The following MYO3B variants were observed in gnomAD, a reference collection of about 807,000 sequenced individuals.
The protein encoded by MYO3B is myosin-IIIb.
A neutral mutation model predicts 174.6 loss-of-function variants in MYO3B; 156 were observed. The observed-to-expected ratio is 0.89, with a 90% CI of 0.78 to 1.02. MYO3B has a LOEUF of 1.02. Among genes scored for constraint, MYO3B ranks in the 50% least tolerant of loss-of-function variants. MYO3B has a pLI of 0.00. For missense variants in MYO3B, 1,632 were observed against 1,639.4 expected (o/e 1.00, Z 0.08); for synonymous variants, 563 against 569.1 (o/e 0.99, Z 0.15).
chr2:170,181,820 G>A (rs572063352), intron 1 of MYO3B, among the ~76,000 whole-genome samples: 1 of 152,206 alleles, frequency 6.6e-6, no homozygotes, highest in African/African-American at 2.4e-5. Flanking sequence ...GGTAGATTTT[G>A]ACTAATAATT....
chr2:170,414,009 A>G (rs1221299173), intron 22 of MYO3B, among the ~76,000 whole-genome samples: 4 of 152,012 alleles, frequency 2.6e-5, no homozygotes, highest in African/African-American at 9.7e-5. Flanking sequence ...CACTACACTC[A>G]AGCCTGGGTG....
intron 32 of MYO3B, among the ~76,000 whole-genome samples, chr2:170,604,877 T>C (rs1228189785): frequency 1.3e-5 from 2 of 152,216 alleles, no homozygotes; most frequent in Non-Finnish European, 2.9e-5. Context: ...GAAAACAATC[T>C]GGTAGCTTCC....
At chr2:170,183,234 G>A (rs2092425102) in intron 1 of MYO3B, among the ~76,000 whole-genome samples, 2 of 151,886 alleles carry the variant, frequency 1.3e-5, no homozygotes, top group African/African-American at 4.8e-5. Context: ...TCCAGCCTGG[G>A]CCACAGAGCA....
intron 32 of MYO3B, among the ~76,000 whole-genome samples, chr2:170,580,718 A>ATATATATATATATATATATGTG (rs768974458): frequency 2.1e-5 from 3 of 142,776 alleles, no homozygotes; most frequent in African/African-American, 7.8e-5. Context: ...AACCTTATAT[A>ATATATATATATATATATATGTG]TGTGTGTGTG....
chr2:170,502,621 G>C (rs147293072), intron 28 of MYO3B, among the ~76,000 whole-genome samples: 40 of 152,044 alleles, frequency 2.6e-4, no homozygotes, highest in African/African-American at 7.2e-4. Flanking sequence ...GCCAGGCTGG[G>C]CTCCTTCCCT....
chr2:170,500,453 G>C (rs890809260), intron 27 of MYO3B, among the ~76,000 whole-genome samples: 1 of 152,194 alleles, frequency 6.6e-6, no homozygotes, highest in African/African-American at 2.4e-5. Context: ...TCACACAGTT[G>C]AATATCTTCT....
At chr2:170,594,349 GGAGATGA>G (rs961578661) in intron 32 of MYO3B, among the ~76,000 whole-genome samples, 10 of 152,140 alleles carry the variant, frequency 6.6e-5, no homozygotes, top group Non-Finnish European at 1.2e-4. Flanking sequence ...AGAAGAGAGC[GGAGATGA>G]GAGATGAGGA....
rs563285790 is a variant in MYO3B, at chr2:170,625,765, A to G, written c.3734-25863A>G. On this transcript the variant is annotated intron_variant, in intron 32 of 34. Coordinates refer to ENST00000408978, the MANE Select transcript of MYO3B (RefSeq NM_138995.5). ...TCTGGTATGTTGTGTCTTTGTTCTC[A>G]TTGGTTTCAAAGAACATCTTTATTT... Among the ~76,000 whole-genome samples the G allele has an allele frequency of 1.2e-4, 19 of 152,186 alleles. No individual in the cohort carries two copies. In the East Asian group the frequency reaches 2.1e-3, roughly 17 times the overall value.
intron 6 of MYO3B, among the ~76,000 whole-genome samples, chr2:170,234,188 CAAAACAAAACAAAA>C (rs2093045551): frequency 5.2e-5 from 1 of 19,256 alleles, no homozygotes; most frequent in East Asian, 1.0e-3. Flanking sequence ...AAAAAAAAAA[CAAAACAAAACAAAA>C]AAAAAACACC....
At chr2:170,439,357 G>C (rs1288673244) in intron 22 of MYO3B, among the ~76,000 whole-genome samples, 1 of 151,706 alleles carries the variant, frequency 6.6e-6, no homozygotes, top group Non-Finnish European at 1.5e-5. Context: ...GGGTGACAAA[G>C]AAAGACTCCA....
At chr2:170,443,702 A>G (rs926410954) in intron 22 of MYO3B, among the ~76,000 whole-genome samples, 9 of 151,962 alleles carry the variant, frequency 5.9e-5, no homozygotes. Flanking sequence ...TAATTTGTTC[A>G]GTGAATTTAA....
intron 22 of MYO3B, among the ~76,000 whole-genome samples, chr2:170,419,911 G>A (rs187258180): frequency 6.6e-6 from 1 of 152,288 alleles, no homozygotes; most frequent in East Asian, 1.9e-4. Flanking sequence ...GAAGCCGGGT[G>A]TGGTGGCTCA....
At chr2:170,543,088 G>A (rs1690230523) in intron 31 of MYO3B, 122 bp downstream of exon 31, 2 of 754,642 alleles carry the variant, frequency 2.7e-6, no homozygotes, top group African/African-American at 1.8e-5. Context: ...AACTGTTAGT[G>A]ATATTTTGAA....
chr2:170,390,548 G>A (rs912550131), intron 14 of MYO3B, among the ~76,000 whole-genome samples: 2 of 152,206 alleles, frequency 1.3e-5, no homozygotes, highest in Non-Finnish European at 2.9e-5. Flanking sequence ...ACAACCAAAG[G>A]AAGATGAGGA....
intron 7 of MYO3B, among the ~76,000 whole-genome samples, chr2:170,275,335 TTCAAGACTTCCCGATG>T (rs1297564209): frequency 6.6e-6 from 1 of 152,180 alleles, no homozygotes; most frequent in Non-Finnish European, 1.5e-5. Context: ...GTTTCTTTAT[TTCAAGACTTCCCGATG>T]TCTTAGAATA....
At chr2:170,363,731 T>G (rs946677072) in intron 8 of MYO3B, among the ~76,000 whole-genome samples, 17 of 152,174 alleles carry the variant, frequency 1.1e-4, no homozygotes, top group Non-Finnish European at 2.4e-4. Flanking sequence ...AGGCTGAAAT[T>G]TGCTTCCTTT....
chr2:170,618,256 G>A lies in MYO3B; in HGVS notation c.3734-33372G>A, dbSNP rs542417282. 6.0e-4 allele frequency among the ~76,000 whole-genome samples: 92 copies of A among 152,172 alleles called. 1 individual carries two copies. The Middle Eastern group carries it at 0.01, about 17-fold the overall frequency. Reference sequence around the variant, plus strand: ...CGATAGGAGCATCCATCCATGTCACGGCTCGAATAAGAGGAGGAAAAGGAA... The same window carrying A: ...CGATAGGAGCATCCATCCATGTCACAGCTCGAATAAGAGGAGGAAAAGGAA... On this transcript the variant is annotated intron_variant, in intron 32 of 34. Transcript: ENST00000408978.
At chr2:170,400,064 G>A in intron 16 of MYO3B, 124 bp from the exon 17 acceptor site, 1 of 1,272,622 alleles carries the variant, frequency 7.9e-7, no homozygotes, top group Non-Finnish European at 1.1e-6. Flanking sequence ...AAATTTTGCT[G>A]TGTGTCCAGG....
intron 25 of MYO3B, among the ~76,000 whole-genome samples, chr2:170,467,876 G>A (rs1684743249): frequency 6.8e-6 from 1 of 147,138 alleles, no homozygotes; most frequent in South Asian, 2.1e-4. Flanking sequence ...AGAAGGAAAT[G>A]GCTTTTTTTT....
Sources: allele counts gnomAD v4.1 joint callset (sites outside exome capture counted in the v4.1 genomes callset), GRCh38; gene constraint gnomAD v4.1.1; transcripts MANE v1.5; gene names NCBI Gene and HGNC (gene_info 2026-07-23, HGNC 2026-07-21).